The following ITGB4 variants were observed in gnomAD, a reference collection of about 807,000 sequenced individuals.
ITGB4 encodes the protein integrin beta-4.
ITGB4 carries 159 observed loss-of-function variants against 207.6 expected under a neutral mutation model. That is an observed-to-expected ratio of 0.77 (90% CI 0.67 to 0.87). The LOEUF is 0.87. Ranked by LOEUF, ITGB4 falls within the 40% of genes least tolerant of loss-of-function variation. The pLI is 0.00. For missense variants in ITGB4, 2,278 were observed against 2,546.8 expected (o/e 0.89, Z 2.27); for synonymous variants, 1,020 against 1,062.7 (o/e 0.96, Z 0.78).
intron 34 of ITGB4, chr17:75,755,117 C>T (rs747600716): frequency 1.6e-5 from 25 of 1,608,546 alleles, no homozygotes; most frequent in South Asian, 5.5e-5. Context: ...CCTGGGGTCC[C>T]GGAGTCGGGC....
chr17:75,731,881 G>A lies in ITGB4; in HGVS notation c.1285G>A (p.Asp429Asn). Reference protein sequence around the residue: ...DGTHVCQLPEDQKGNIHLKPS... With the variant: ...DGTHVCQLPENQKGNIHLKPS... ...GACGCACGTGTGCCAGCTGCCGGAG[G>A]ACCAGAAGGGCAACATCCATCTGAA... Residue 429 changes from aspartate (D) to asparagine (N), a missense_variant, in exon 11 of 40, where the codon GAC becomes AAC. Physicochemically the swap from Asp to Asn is conservative, Grantham distance 23 (BLOSUM62 1). Coordinates refer to ENST00000200181, the MANE Select transcript of ITGB4 (RefSeq NM_000213.5). This position sits in a 1 kb window ranked among gnomAD's most constrained non-coding sequence, Gnocchi z 6.8. 6.2e-7 allele frequency: 1 copy of A among 1,613,982 alleles called. No individual in the cohort carries two copies. The highest frequency in any genetic ancestry group is 8.5e-7 in the Non-Finnish European group (1 of 1,179,986).
At chr17:75,724,332 C>T (rs1463349793) in intron 1 of ITGB4, among the ~76,000 whole-genome samples, 4 of 152,236 alleles carry the variant, frequency 2.6e-5, no homozygotes, top group Admixed American at 6.5e-5. Context: ...ATGACCCTGT[C>T]ATGGCCAAGC....
rs2148500710 is a variant in ITGB4, at chr17:75,736,753, G to A, written c.1990+59G>A. Reference sequence around the variant, plus strand: ...GAGCCTAGGCAGCGGGCATCCAACGGGGCAAGGGTGTCATCACCTGGACGG... The same window carrying A: ...GAGCCTAGGCAGCGGGCATCCAACGAGGCAAGGGTGTCATCACCTGGACGG... On this transcript the variant is annotated intron_variant, in intron 16 of 39. Transcript: ENST00000200181. 4.5e-6 allele frequency: 7 copies of A among 1,548,354 alleles called. No individual in the cohort carries two copies. In the Admixed American group the frequency reaches 1.4e-4, roughly 30 times the overall value.
At chr17:75,752,052 G>T in intron 30 of ITGB4, 122 bp from the exon 31 acceptor site, 1 of 1,089,914 alleles carries the variant, frequency 9.2e-7, no homozygotes, top group Non-Finnish European at 1.4e-6. Flanking sequence ...GGCTGGCTTT[G>T]CCTTGCTTCC....
chr17:75,756,354 C>T (rs2061501848), intron 35 of ITGB4, 75 bp from the exon 36 acceptor site: 1 of 1,551,408 alleles, frequency 6.4e-7, no homozygotes, highest in Admixed American at 1.7e-5. Context: ...TCGATGGCAG[C>T]TTAGGGACGA....
At chr17:75,751,689 C>A in intron 30 of ITGB4, 1 of 220,990 alleles carries the variant, frequency 4.5e-6, no homozygotes, top group Non-Finnish European at 9.2e-6. Context: ...TGCAGTGAAC[C>A]GAGATCGTGT....
Position 75,731,087 on chromosome 17 carries a change from G to A in ITGB4, c.1092+123G>A. The A allele has an allele frequency of 7.1e-7, 1 of 1,413,514 alleles. No individual in the cohort carries two copies. Among genetic ancestry groups the A allele is most frequent in the South Asian group, 1.2e-5 (1 of 82,688 alleles). 87.6% of individuals were successfully genotyped at this position (1,413,514 alleles called of 1,614,324 possible). A position where few individuals can be genotyped will look rare whatever the true frequency, so the allele number is the denominator to read the frequency against. On this transcript the variant is annotated intron_variant, in intron 9 of 39. Coordinates refer to ENST00000200181, the MANE Select transcript of ITGB4 (RefSeq NM_000213.5). This position sits in a 1 kb window ranked among gnomAD's most constrained non-coding sequence, Gnocchi z 6.8. ...GGGTCTGGGACAGACCAGTGAGGAA[G>A]GGTCTCTAGCTATCCCTGAGGCCCC...
In ITGB4 at chr17:75,757,641, A is replaced by G; in HGVS notation, c.*86A>G. 6.4e-7 allele frequency: 1 copy of G among 1,564,590 alleles called. No homozygotes were observed. Reference sequence around the variant, plus strand: ...GCCTCCTCAGCTACTCCATCCTTGCACCCCTGGGGGCCCAGCCCACCCGCA... The same window carrying G: ...GCCTCCTCAGCTACTCCATCCTTGCGCCCCTGGGGGCCCAGCCCACCCGCA... On this transcript the variant is annotated 3_prime_UTR_variant, in exon 40 of 40. Transcript: ENST00000200181.
At position 75,740,113 on chromosome 17, in the gene ITGB4, T is replaced by TC. The variant is rs745715852; in HGVS notation, c.2446+43dup. On this transcript the variant is annotated intron_variant, in intron 20 of 39. Transcript: ENST00000200181. This position sits in a 1 kb window ranked among gnomAD's most constrained non-coding sequence, Gnocchi z 5.9. ...GCGCCACAGCTCTGGGCAGTGCCCT[T>TC]CGGGCCCTCTGTTCCAGATCTGGGA... is the stretch of plus-strand genomic sequence containing the variant. The TC allele has an allele frequency of 1.6e-5, 25 of 1,569,016 alleles. No individual in the cohort carries two copies. The East Asian group carries it at 5.2e-4, about 33-fold the overall frequency.
Position 75,732,604 on chromosome 17 carries a change from C to T in ITGB4, c.1454+365C>T, listed in dbSNP as rs189243416. 1.4e-3 allele frequency among the ~76,000 whole-genome samples: 209 copies of T among 152,192 alleles called. 3 individuals carry two copies. The highest frequency in any genetic ancestry group is 6.9e-4 in the Non-Finnish European group (47 of 68,006). On this transcript the variant is annotated intron_variant, in intron 12 of 39. Transcript: ENST00000200181. This position sits in a 1 kb window ranked among gnomAD's most constrained non-coding sequence, Gnocchi z 5.3. ...GATCAGAAGAGAGCTCGTAAATGCA[C>T]GGCAGTAAGGGCTTTAGCTTCAGGA...
At chr17:75,748,758 A>C in intron 26 of ITGB4, 83 bp from the exon 27 acceptor site, 2 of 1,012,786 alleles carry the variant, frequency 2.0e-6, no homozygotes, top group Non-Finnish European at 3.0e-6. Context: ...TGCAGTGTCC[A>C]TGAGGTTGGG....
At chr17:75,747,510 C>T (rs1001001221) in intron 26 of ITGB4, among the ~76,000 whole-genome samples, 3 of 152,112 alleles carry the variant, frequency 2.0e-5, no homozygotes, top group Admixed American at 6.6e-5. Context: ...AAAATAGGTC[C>T]ATATTCCAAT....
rs761969471 is a variant in ITGB4, at chr17:75,750,106, G to A, written c.3317-5G>A. The stretch of plus-strand genomic sequence containing the variant: ...TGGTTGCCCGGCCCCAACCTGACCC[G>A]TTAGATGAACTGGACCGGAGCTTCA... On this transcript the variant is annotated splice_polypyrimidine_tract_variant and splice_region_variant and intron_variant, in intron 27 of 39. Coordinates refer to ENST00000200181, the MANE Select transcript of ITGB4 (RefSeq NM_000213.5). This position sits in a 1 kb window ranked among gnomAD's most constrained non-coding sequence, Gnocchi z 5.5. 63 of 1,613,450 alleles carry A rather than the reference G, an allele frequency of 3.9e-5. No individual in the cohort carries two copies. Among genetic ancestry groups the A allele is most frequent in the Non-Finnish European group, 5.0e-5 (59 of 1,180,018 alleles).
Position 75,732,288 on chromosome 17 carries a change from G to T in ITGB4, c.1454+49G>T. ...ACCCAGGACACCAGTGGCCCCTGAT[G>T]GGAAAGCTGGGCTCCTGCAGGGGCC... On this transcript the variant is annotated intron_variant, in intron 12 of 39. Coordinates refer to ENST00000200181, the MANE Select transcript of ITGB4 (RefSeq NM_000213.5). This position sits in a 1 kb window ranked among gnomAD's most constrained non-coding sequence, Gnocchi z 5.3. 1 of 1,567,624 alleles carries T rather than the reference G, an allele frequency of 6.4e-7. No homozygotes were observed. Among genetic ancestry groups the T allele is most frequent in the South Asian group, 1.1e-5 (1 of 90,168 alleles).
chr17:75,745,082 T>A (rs534506887), intron 26 of ITGB4, among the ~76,000 whole-genome samples: 24 of 152,220 alleles, frequency 1.6e-4, no homozygotes, highest in African/African-American at 5.5e-4. Flanking sequence ...TTTTTAAATG[T>A]TGGCAACAAA....
At chr17:75,730,220 G>T (rs532372964) in intron 7 of ITGB4, 21 bp from the exon 8 acceptor site, 1 of 1,611,756 alleles carries the variant, frequency 6.2e-7, no homozygotes, top group East Asian at 2.2e-5. Flanking sequence ...CAGTGGGCAC[G>T]CCCCGCCTTG....
chr17:75,729,291 A>AC lies in ITGB4; in HGVS notation c.600dup (p.Phe201LeufsTer15), dbSNP rs752657203. 18 of 1,613,474 alleles carry AC rather than the reference A, an allele frequency of 1.1e-5. No individual in the cohort carries two copies. Among genetic ancestry groups the AC allele is most frequent in the South Asian group, 2.2e-5 (2 of 91,062 alleles). On this transcript the variant is annotated frameshift_variant, in exon 7 of 40. Transcript: ENST00000200181. LOFTEE classifies it high-confidence loss of function. The surrounding 1 kb of genome is among the most constrained non-coding windows in gnomAD (Gnocchi z 4.4). ...CTGAAGGAGCCCTGGCCCAACAGTG[A>AC]CCCCCCCTTCTCCTTCAAGAACGTC...
chr17:75,756,942 G>C lies in ITGB4; in HGVS notation c.5054-1G>C, dbSNP rs1176100000. The C allele has an allele frequency of 6.2e-7, 1 of 1,612,424 alleles. No individual in the cohort carries two copies. Among genetic ancestry groups the C allele is most frequent in the African/African-American group, 1.3e-5 (1 of 74,918 alleles). On this transcript the variant is annotated splice_acceptor_variant, in intron 37 of 39. Coordinates refer to ENST00000200181, the MANE Select transcript of ITGB4 (RefSeq NM_000213.5). LOFTEE classifies it high-confidence loss of function. ...ACGCTGAAGGCATCTTCCCTGCTCA[G>C]GGCCAGCCACCGCATTCCGGGTGGA...
intron 26 of ITGB4, among the ~76,000 whole-genome samples, chr17:75,746,628 C>A (rs1016811648): frequency 6.7e-6 from 1 of 149,694 alleles, no homozygotes; most frequent in African/African-American, 2.4e-5. Flanking sequence ...CTTCTGGCTA[C>A]CCTGTTACAC....
Sources: allele counts gnomAD v4.1 joint callset (sites outside exome capture counted in the v4.1 genomes callset), GRCh38; gene constraint gnomAD v4.1.1; non-coding constraint Gnocchi (gnomAD v3.1); transcripts MANE v1.5; gene names NCBI Gene and HGNC (gene_info 2026-07-23, HGNC 2026-07-21).